Variants in YPEL2 observed in about 807,000 individuals in gnomAD.
YPEL2 encodes the protein yippee like 2.
YPEL2 carries 2 observed loss-of-function variants against 19.1 expected under a neutral mutation model. The observed-to-expected ratio is 0.10, with a 90% CI of 0.04 to 0.33. The LOEUF (loss-of-function observed/expected upper bound fraction) is 0.33. YPEL2 is among the 10% of genes least tolerant of loss of function. The probability of loss-of-function intolerance (pLI) is 1.00; values close to 1 mark genes in which losing one functional copy is unlikely to be tolerated. For missense variants in YPEL2, 66 were observed against 140.7 expected (o/e 0.47, Z 2.68); for synonymous variants, 52 against 50.0 (o/e 1.04, Z -0.17).
intron 1 of YPEL2, among the ~76,000 whole-genome samples, chr17:59,344,862 G>A (rs915370464): frequency 5.9e-5 from 9 of 152,240 alleles, no homozygotes; most frequent in Non-Finnish European, 1.2e-4. Flanking sequence ...AGCATTGCCA[G>A]AAGGCTCTGT....
At chr17:59,378,316 C>A (rs144007676) in intron 2 of YPEL2, among the ~76,000 whole-genome samples, 2 of 150,234 alleles carry the variant, frequency 1.3e-5, no homozygotes, top group African/African-American at 4.9e-5. Context: ...AAAGTCTGAT[C>A]ATTAAATGGC....
intron 1 of YPEL2, among the ~76,000 whole-genome samples, chr17:59,347,762 G>A (rs145386848): frequency 9.3e-4 from 142 of 152,262 alleles, no homozygotes; most frequent in African/African-American, 3.1e-3. Flanking sequence ...TCAAAGAGAT[G>A]CTTGAAGACA....
At chr17:59,390,357 G>T (rs1241180819) in intron 4 of YPEL2, among the ~76,000 whole-genome samples, 1 of 152,098 alleles carries the variant, frequency 6.6e-6, no homozygotes, top group Admixed American at 6.5e-5. Flanking sequence ...GCTCAGGCTG[G>T]CCTCAAACTC....
intron 2 of YPEL2, among the ~76,000 whole-genome samples, chr17:59,358,349 G>A (rs1250078424): frequency 1.3e-5 from 2 of 152,128 alleles, no homozygotes; most frequent in African/African-American, 4.8e-5. Context: ...AGAAGAGTCA[G>A]GGAGTGAGAT....
At chr17:59,394,934 C>T (rs1043481310) in intron 4 of YPEL2, among the ~76,000 whole-genome samples, 4 of 152,316 alleles carry the variant, frequency 2.6e-5, no homozygotes, top group South Asian at 2.1e-4. Flanking sequence ...CAAATAAATA[C>T]GAAAACCAGT....
At chr17:59,356,493 G>GA (rs2047813711) in intron 2 of YPEL2, among the ~76,000 whole-genome samples, 2 of 152,124 alleles carry the variant, frequency 1.3e-5, no homozygotes, top group Admixed American at 1.3e-4. Context: ...CATGGTGGTG[G>GA]AAAGAATCCA....
intron 2 of YPEL2, among the ~76,000 whole-genome samples, chr17:59,361,848 T>G (rs59918563): frequency 0.075 from 11,481 of 152,146 alleles, 557 homozygotes; most frequent in South Asian, 0.15. Context: ...GAAGTGGCAT[T>G]GAAGTGTGCC....
chr17:59,395,271 T>C (rs2048033086), intron 4 of YPEL2, among the ~76,000 whole-genome samples: 1 of 152,232 alleles, frequency 6.6e-6, no homozygotes, highest in Admixed American at 6.5e-5. Flanking sequence ...ATTGCTGCTC[T>C]GGTGTGCCTG....
chr17:59,349,304 T>A (rs1393995061), intron 1 of YPEL2, among the ~76,000 whole-genome samples: 1 of 151,564 alleles, frequency 6.6e-6, no homozygotes, highest in Non-Finnish European at 1.5e-5. Context: ...TCTCTCAGCT[T>A]GTTCCTCTCA....
intron 1 of YPEL2, chr17:59,345,031 C>A (rs1305542093): frequency 1.3e-5 from 2 of 152,170 alleles, no homozygotes; most frequent in African/African-American, 4.8e-5. Flanking sequence ...AAGGAGTGCA[C>A]AACCTAGATC....
intron 2 of YPEL2, among the ~76,000 whole-genome samples, chr17:59,384,716 T>TG (rs772959235): frequency 3.3e-5 from 5 of 152,238 alleles, no homozygotes; most frequent in Admixed American, 6.5e-5. Flanking sequence ...AAGGGTTGTC[T>TG]GGGGGTTTGT....
chr17:59,342,779 G>C (rs2047738272), intron 1 of YPEL2, among the ~76,000 whole-genome samples: 1 of 152,218 alleles, frequency 6.6e-6, no homozygotes, highest in South Asian at 2.1e-4. Flanking sequence ...TTCTTGGTTT[G>C]AATCAAGTCT....
At chr17:59,348,012 C>T (rs889162827) in intron 1 of YPEL2, among the ~76,000 whole-genome samples, 11 of 152,020 alleles carry the variant, frequency 7.2e-5, no homozygotes, top group African/African-American at 2.4e-4. Flanking sequence ...GTGTATTGTG[C>T]GCCAGCTCTG....
At position 59,373,851 on chromosome 17, in the gene YPEL2, G is replaced by A. The variant is rs146269368; in HGVS notation, c.118-14476G>A. On this transcript the variant is annotated intron_variant, in intron 2 of 4. Coordinates refer to ENST00000312655, the MANE Select transcript of YPEL2 (RefSeq NM_001005404.4). ...AGAAAGATTGAGCACCCAAATAAGTGGAAGGGATTTATGTTTCTATGTCTA... is the reference window on the plus strand; with the variant it reads ...AGAAAGATTGAGCACCCAAATAAGTAGAAGGGATTTATGTTTCTATGTCTA... Among the ~76,000 whole-genome samples the A allele has an allele frequency of 4.2e-3, 632 of 152,288 alleles. 3 individuals carry two copies. The highest frequency in any genetic ancestry group is 0.012 in the African/African-American group (492 of 41,560).
intron 1 of YPEL2, among the ~76,000 whole-genome samples, chr17:59,333,018 A>T: frequency 6.6e-6 from 1 of 152,238 alleles, no homozygotes; most frequent in East Asian, 1.9e-4. Flanking sequence ...TGTGCCTCAC[A>T]GAGCATTAAA....
rs1373890831 is a variant in YPEL2 at position 59,401,099 on chromosome 17, A to G, written c.*3909A>G. 6.6e-6 allele frequency: 1 copy of G among 152,272 alleles called. No homozygotes were observed. The highest frequency in any genetic ancestry group is 1.9e-4 in the East Asian group (1 of 5,200). The allele number at this position is 152,272 out of a possible 1,614,324, so 9.4% of individuals were successfully genotyped here. A position where few individuals can be genotyped will look rare whatever the true frequency, so the allele number is the denominator to read the frequency against. On this transcript the variant is annotated 3_prime_UTR_variant, in exon 5 of 5. Coordinates refer to ENST00000312655, the MANE Select transcript of YPEL2 (RefSeq NM_001005404.4). ...TTTTAGAAGCCACATCATGTTAAAC[A>G]TTAACTGGTTTGGATTAAAAGAACA... is the stretch of plus-strand genomic sequence containing the variant.
At chr17:59,342,914 C>G (rs1038548085) in intron 1 of YPEL2, among the ~76,000 whole-genome samples, 1 of 152,170 alleles carries the variant, frequency 6.6e-6, no homozygotes, top group Non-Finnish European at 1.5e-5. Context: ...CACTAGGGGT[C>G]TGGAAGTCCC....
intron 2 of YPEL2, among the ~76,000 whole-genome samples, chr17:59,375,475 A>G (rs1422015275): frequency 6.6e-6 from 1 of 152,160 alleles, no homozygotes; most frequent in African/African-American, 2.4e-5. Context: ...TTAAATTAGA[A>G]TCATTCATTC....
intron 2 of YPEL2, among the ~76,000 whole-genome samples, chr17:59,385,435 A>G (rs2047975025): frequency 6.6e-6 from 1 of 152,016 alleles, no homozygotes; most frequent in Admixed American, 6.6e-5. Context: ...AAAATTAGCC[A>G]GGCATGGTGG....
Sources: gnomAD v4.1 joint callset for allele counts (sites outside exome capture counted in the v4.1 genomes callset) on GRCh38, gnomAD v4.1.1 for gene constraint, MANE v1.5 for transcripts, NCBI Gene and HGNC (gene_info 2026-07-23, HGNC 2026-07-21) for gene names.